Variants in CCSER1 observed in about 807,000 individuals in gnomAD.
CCSER1 encodes the protein coiled-coil serine rich protein 1, also known as serine-rich coiled-coil domain-containing protein 1.
In CCSER1, 41 loss-of-function variants were observed where a neutral mutation model predicts 82.0. The ratio of observed to expected loss-of-function variants is 0.50; its 90% CI spans 0.39 to 0.65. CCSER1 has a LOEUF of 0.65. Ranked by LOEUF, CCSER1 falls within the 30% of genes least tolerant of loss-of-function variation. The pLI is 0.00. For missense variants in CCSER1, 1,119 were observed against 1,064.2 expected, an observed-to-expected ratio of 1.05 and a Z score of -0.72; for synonymous variants, 414 against 383.9, an observed-to-expected ratio of 1.08 and a Z score of -0.92.
chr4:91,547,291 A>G (rs1761940268), intron 10 of CCSER1, among the ~76,000 whole-genome samples: 1 of 152,154 alleles, frequency 6.6e-6, no homozygotes, highest in African/African-American at 2.4e-5. Flanking sequence ...TATTTCTGTT[A>G]GACGGATGTT....
intron 10 of CCSER1, among the ~76,000 whole-genome samples, chr4:91,513,874 C>A (rs1376263586): frequency 6.6e-6 from 1 of 151,978 alleles, no homozygotes; most frequent in African/African-American, 2.4e-5. Context: ...AGCTAGCAGT[C>A]TATCAATGTT....
chr4:90,391,465 T>TACACACACACACAGTGGGTAA (rs1751069316), intron 3 of CCSER1, among the ~76,000 whole-genome samples: 3 of 90,380 alleles, frequency 3.3e-5, no homozygotes, highest in African/African-American at 1.8e-4. Context: ...TATATATATA[T>TACACACACACACAGTGGGTAA]ATATATATAT....
At chr4:90,444,035 A>G (rs917342991) in intron 4 of CCSER1, among the ~76,000 whole-genome samples, 3 of 151,988 alleles carry the variant, frequency 2.0e-5, no homozygotes, top group African/African-American at 4.8e-5. Flanking sequence ...GTGTTTTGGG[A>G]CAACTGTTGG....
At chr4:91,178,973 G>A (rs552646782) in intron 10 of CCSER1, among the ~76,000 whole-genome samples, 14 of 152,060 alleles carry the variant, frequency 9.2e-5, no homozygotes, top group African/African-American at 3.1e-4. Context: ...GCTTCCTTAA[G>A]GAGCTCTTGC....
intron 5 of CCSER1, among the ~76,000 whole-genome samples, chr4:90,511,740 G>C (rs1771549253): frequency 6.6e-6 from 1 of 152,156 alleles, no homozygotes; most frequent in African/African-American, 2.4e-5. Context: ...AACGTGTAAA[G>C]AGAACAAAAT....
At chr4:90,412,232 G>A (rs10029152) in intron 4 of CCSER1, among the ~76,000 whole-genome samples, 8,066 of 147,530 alleles carry the variant, frequency 0.055, 239 homozygotes, top group African/African-American at 0.084. Context: ...ACCAAACACC[G>A]CATGTTCTCA....
At chr4:90,628,283 G>T (rs1004647953) in intron 6 of CCSER1, 51 bp downstream of exon 6, 2 of 1,447,040 alleles carry the variant, frequency 1.4e-6, no homozygotes, top group Admixed American at 3.4e-5. Context: ...AGACAATGAA[G>T]TCTGCAGACG....
intron 9 of CCSER1, among the ~76,000 whole-genome samples, chr4:91,066,542 A>C (rs1179265662): frequency 6.6e-6 from 1 of 152,228 alleles, no homozygotes; most frequent in Non-Finnish European, 1.5e-5. Context: ...TAACCAGAGA[A>C]TAGTGAAAAA....
intron 10 of CCSER1, among the ~76,000 whole-genome samples, chr4:91,438,235 G>T (rs1488536149): frequency 6.6e-6 from 1 of 152,218 alleles, no homozygotes; most frequent in Non-Finnish European, 1.5e-5. Flanking sequence ...GCACCCCCCA[G>T]TAGGGGCAGA....
Position 90,237,102 on chromosome 4 carries a change from G to C in CCSER1, c.-41-71142G>C, listed in dbSNP as rs538559728. 3.3e-5 allele frequency among the ~76,000 whole-genome samples: 5 copies of C among 152,218 alleles called. No homozygotes were observed. In the South Asian group the frequency reaches 1.0e-3, roughly 32 times the overall value. ...TTATAGGTAAAATAAAGATGAGAAA[G>C]CAGTGCAGAGAGAAATCAAATATAA... On this transcript the variant is annotated intron_variant, in intron 1 of 10. Coordinates refer to ENST00000509176, the MANE Select transcript of CCSER1 (RefSeq NM_001145065.2).
Position 91,499,232 on chromosome 4 carries a change from TG to T in CCSER1, c.2218-99336del, listed in dbSNP as rs549449912. Among the ~76,000 whole-genome samples the T allele has an allele frequency of 2.5e-3, 385 of 152,210 alleles. 2 individuals carry two copies. Among genetic ancestry groups the T allele is most frequent in the African/African-American group, 8.6e-3 (358 of 41,574 alleles). On this transcript the variant is annotated intron_variant, in intron 10 of 10. Transcript: ENST00000509176. ...TCACAAATTTAGATAATTAGTATTTTGGGGTTTTGTTTTCTTCTGATTACTA... is the reference window on the plus strand; with the variant it reads ...TCACAAATTTAGATAATTAGTATTTTGGGTTTTGTTTTCTTCTGATTACTA...
chr4:91,334,030 C>T (rs1192241678), intron 10 of CCSER1, among the ~76,000 whole-genome samples: 1 of 151,922 alleles, frequency 6.6e-6, no homozygotes, highest in Non-Finnish European at 1.5e-5. Context: ...CAAAAAGCAG[C>T]TAAAGAGTTA....
chr4:91,222,723 A>G (rs941390309), intron 10 of CCSER1, among the ~76,000 whole-genome samples: 1 of 152,198 alleles, frequency 6.6e-6, no homozygotes, highest in Admixed American at 6.6e-5. Flanking sequence ...ATTGTATGTG[A>G]TAATGGAAAT....
chr4:91,176,140 T>C (rs1193726170), intron 10 of CCSER1, among the ~76,000 whole-genome samples: 2 of 152,206 alleles, frequency 1.3e-5, no homozygotes, highest in African/African-American at 4.8e-5. Flanking sequence ...GTTGTAGATG[T>C]GTGGTATTAC....
chr4:91,526,487 A>G (rs1760770773), intron 10 of CCSER1, among the ~76,000 whole-genome samples: 1 of 152,202 alleles, frequency 6.6e-6, no homozygotes, highest in Non-Finnish European at 1.5e-5. Flanking sequence ...TGGGCCATGA[A>G]TAAATCTCTG....
In CCSER1 at chr4:90,308,551, T is replaced by C. The variant is rs759167029; in HGVS notation, c.267T>C (p.Ile89=). The C allele has an allele frequency of 9.3e-6, 15 of 1,613,876 alleles. No homozygotes were observed. The East Asian group carries it at 3.3e-4, about 36-fold the overall frequency. Residue 89 remains isoleucine, a synonymous_variant, in exon 2 of 11, where the codon ATT becomes ATC. Transcript: ENST00000509176. ...AGCCTACCAACCAGAACCTTAGTAT[T>C]TCAAATGGTGCTCAACCTGGTCACA... is the stretch of plus-strand genomic sequence containing the variant. ...KQEPTNQNLS[I]SNGAQPGHSN...
chr4:90,697,593 G>A (rs1674606603), intron 6 of CCSER1, among the ~76,000 whole-genome samples: 1 of 151,960 alleles, frequency 6.6e-6, no homozygotes, highest in African/African-American at 2.4e-5. Context: ...AATCATTTCA[G>A]TTCACTATTT....
chr4:90,953,403 A>C (rs994976934), intron 9 of CCSER1, among the ~76,000 whole-genome samples: 1 of 151,702 alleles, frequency 6.6e-6, no homozygotes, highest in Non-Finnish European at 1.5e-5. Context: ...TTTACAATGA[A>C]ACTTTTCTTA....
In CCSER1 at chr4:90,400,008, C is replaced by T. The variant is rs765175017; in HGVS notation, c.1510-28C>T. On this transcript the variant is annotated intron_variant, in intron 3 of 10. Transcript: ENST00000509176. ...CCTCATTTACTCAGTGTTTTGGTTTCTAATTGTTGGTTTTGATTTTTCTTC... is the reference window on the plus strand; with the variant it reads ...CCTCATTTACTCAGTGTTTTGGTTTTTAATTGTTGGTTTTGATTTTTCTTC... 5.8e-6 allele frequency: 8 copies of T among 1,370,668 alleles called. No homozygotes were observed. The African/African-American group carries it at 9.9e-5, about 17-fold the overall frequency. The allele number at this position is 1,370,668 out of a possible 1,614,324, so 84.9% of individuals were successfully genotyped here. A position where few individuals can be genotyped will look rare whatever the true frequency, so the allele number is the denominator to read the frequency against.
Sources: allele counts gnomAD v4.1 joint callset (sites outside exome capture counted in the v4.1 genomes callset), GRCh38; gene constraint gnomAD v4.1.1; transcripts MANE v1.5; gene names NCBI Gene and HGNC (gene_info 2026-07-23, HGNC 2026-07-21).